The following AGMO variants were observed in gnomAD, a reference collection of about 807,000 sequenced individuals.
AGMO encodes the protein glyceryl-ether monooxygenase.
A neutral mutation model predicts 60.2 loss-of-function variants in AGMO; 75 were observed. The observed-to-expected ratio is 1.25, with a 90% confidence interval of 1.03 to 1.51. AGMO has a LOEUF of 1.51. Among genes scored for constraint, AGMO ranks in the 40% most tolerant of loss-of-function variants. The probability of loss-of-function intolerance (pLI) is 0.00; values close to 1 mark genes in which losing one functional copy is unlikely to be tolerated. For synonymous variants in AGMO, 261 were observed against 177.1 expected, an observed-to-expected ratio of 1.47 and a Z score of -3.76; for missense variants, 763 against 525.5, an observed-to-expected ratio of 1.45 and a Z score of -4.42.
At chr7:15,193,000 T>C in the AGMO span, among the ~76,000 whole-genome samples, 7 of 152,374 alleles carry the variant, frequency 4.6e-5, no homozygotes, top group African/African-American at 1.4e-4. Flanking sequence ...TAGTCACTTC[T>C]ATCTTTAATA....
chr7:15,521,315 G>A (rs1342913296), intron 3 of AGMO, among the ~76,000 whole-genome samples: 5 of 152,218 alleles, frequency 3.3e-5, no homozygotes, highest in South Asian at 4.2e-4. Context: ...CCGAGCAACA[G>A]AAAAAGAAGG....
chr7:15,437,387 C>G lies in AGMO; in HGVS notation c.410-6279G>C, dbSNP rs1458102226. On this transcript the variant is annotated intron_variant, in intron 3 of 12. Transcript: ENST00000342526. ...ATATCAGAACACAAATTAAGTATAT[C>G]TAAAACTACCAAATTAATTAGAATA... Among the ~76,000 whole-genome samples the G allele has an allele frequency of 6.6e-5, 10 of 152,282 alleles. No individual in the cohort carries two copies. In the East Asian group the frequency reaches 1.7e-3, roughly 26 times the overall value.
intron 10 of AGMO, among the ~76,000 whole-genome samples, chr7:15,384,522 A>G (rs1205417718): frequency 6.6e-6 from 1 of 152,130 alleles, no homozygotes; most frequent in Non-Finnish European, 1.5e-5. Flanking sequence ...ATACACCTTA[A>G]AGATAGGCGT....
intron 10 of AGMO, among the ~76,000 whole-genome samples, chr7:15,375,690 C>A: frequency 6.6e-6 from 1 of 152,106 alleles, no homozygotes; most frequent in Non-Finnish European, 1.5e-5. Context: ...GCCACTGTGC[C>A]CAGCCTCTTC....
chr7:15,430,316 C>G (rs567424159), intron 4 of AGMO, among the ~76,000 whole-genome samples: 33 of 151,860 alleles, frequency 2.2e-4, no homozygotes, highest in Admixed American at 9.9e-4. Flanking sequence ...GTTACTCTGA[C>G]TTTCTAGCTC....
chr7:15,524,556 T>C (rs1311076515), intron 3 of AGMO, among the ~76,000 whole-genome samples: 1 of 152,138 alleles, frequency 6.6e-6, no homozygotes, highest in Non-Finnish European at 1.5e-5. Context: ...TATGCAACCA[T>C]ATTTTTCTAG....
intron 3 of AGMO, among the ~76,000 whole-genome samples, chr7:15,513,289 A>C (rs373234984): frequency 2.3e-5 from 1 of 44,348 alleles, no homozygotes; most frequent in East Asian, 3.4e-3. Context: ...CTATAGCACA[A>C]CTTTAAACCA....
chr7:15,438,577 T>G (rs1048316980), intron 3 of AGMO, among the ~76,000 whole-genome samples: 2 of 152,192 alleles, frequency 1.3e-5, no homozygotes, highest in African/African-American at 4.8e-5. Flanking sequence ...TGAGTGATAA[T>G]AACATGTTTT....
chr7:15,141,136 T>G, the AGMO span, among the ~76,000 whole-genome samples: 1 of 152,158 alleles, frequency 6.6e-6, no homozygotes, highest in Admixed American at 6.5e-5. Flanking sequence ...CTGATCCTAG[T>G]CCTGATGGAT....
chr7:15,232,899 A>T (rs1583312947), intron 12 of AGMO, among the ~76,000 whole-genome samples: 1 of 152,226 alleles, frequency 6.6e-6, no homozygotes, highest in East Asian at 1.9e-4. Flanking sequence ...AGCAAGTAGG[A>T]GGAAAGGAAT....
At chr7:15,338,630 T>C (rs957909437) in intron 12 of AGMO, among the ~76,000 whole-genome samples, 5 of 152,042 alleles carry the variant, frequency 3.3e-5, no homozygotes, top group African/African-American at 1.2e-4. Flanking sequence ...ATAAAATATA[T>C]ATAATATTTC....
At chr7:15,408,611 C>A (rs901679127) in intron 5 of AGMO, among the ~76,000 whole-genome samples, 1 of 151,720 alleles carries the variant, frequency 6.6e-6, no homozygotes, top group African/African-American at 2.4e-5. Context: ...TCCAAGCAAG[C>A]TGAGACATAT....
chr7:15,541,277 C>A (rs192058464), intron 3 of AGMO, among the ~76,000 whole-genome samples: 75 of 152,136 alleles, frequency 4.9e-4, no homozygotes, highest in African/African-American at 1.6e-3. Context: ...CGTGGGCCAC[C>A]ACACCTGCTA....
the AGMO span, among the ~76,000 whole-genome samples, chr7:15,120,854 T>G: frequency 6.6e-6 from 1 of 152,062 alleles, no homozygotes; most frequent in African/African-American, 2.4e-5. Flanking sequence ...GTGCTGAGAG[T>G]GCAGGTTTGT....
chr7:15,549,540 T>G (rs892902157), intron 2 of AGMO, among the ~76,000 whole-genome samples: 3 of 151,528 alleles, frequency 2.0e-5, no homozygotes, highest in African/African-American at 7.3e-5. Flanking sequence ...GAACAGACTT[T>G]AAACCAACAA....
intron 12 of AGMO, among the ~76,000 whole-genome samples, chr7:15,293,269 G>C (rs1784324030): frequency 6.6e-6 from 1 of 152,034 alleles, no homozygotes; most frequent in Non-Finnish European, 1.5e-5. Context: ...AGGCAGGGCA[G>C]GATTTACCTA....
chr7:15,369,105 CAA>C (rs1446180405), intron 10 of AGMO, among the ~76,000 whole-genome samples: 1 of 152,080 alleles, frequency 6.6e-6, no homozygotes, highest in Non-Finnish European at 1.5e-5. Flanking sequence ...TCTAATATAT[CAA>C]GAGATATATT....
At chr7:15,405,408 C>T (rs1051761313) in intron 5 of AGMO, among the ~76,000 whole-genome samples, 3 of 151,874 alleles carry the variant, frequency 2.0e-5, no homozygotes, top group Non-Finnish European at 4.4e-5. Flanking sequence ...ATTCCATTTA[C>T]ATTCAGTCTA....
intron 12 of AGMO, among the ~76,000 whole-genome samples, chr7:15,304,291 G>A (rs1044337498): frequency 5.9e-5 from 9 of 151,700 alleles, no homozygotes; most frequent in African/African-American, 2.2e-4. Context: ...CAGCTCTCTC[G>A]ATCCCCTCAA....
Sources: allele counts gnomAD v4.1 joint callset (sites outside exome capture counted in the v4.1 genomes callset), GRCh38; gene constraint gnomAD v4.1.1; transcripts MANE v1.5; gene names NCBI Gene and HGNC (gene_info 2026-07-23, HGNC 2026-07-21).